Variants in SERPINE3 observed in about 807,000 individuals in gnomAD.
SERPINE3 encodes serpin family E member 3, also known as serpin E3.
SERPINE3 carries 43 observed loss-of-function variants against 41.7 expected under a neutral mutation model. The ratio of observed to expected loss-of-function variants is 1.03; its 90% confidence interval spans 0.81 to 1.33. The LOEUF (loss-of-function observed/expected upper bound fraction) is 1.33, where lower values mean the gene tolerates loss of function less well. Among genes scored for constraint, SERPINE3 ranks in the 40% most tolerant of loss-of-function variants. The pLI is 0.00. For missense variants in SERPINE3, 440 were observed against 491.7 expected (o/e 0.89, Z 0.99); for synonymous variants, 200 against 192.2 (o/e 1.04, Z -0.34).
chr13:51,345,254 C>G (rs571452304), intron 4 of SERPINE3, among the ~76,000 whole-genome samples: 26 of 152,234 alleles, frequency 1.7e-4, no homozygotes, highest in Admixed American at 1.6e-3. Flanking sequence ...GATTCTAACC[C>G]AGGTGGTCCG....
In SERPINE3 at chr13:51,359,127, T is replaced by C. The variant is rs141198468; in HGVS notation, c.1001-2151T>C. Among the ~76,000 whole-genome samples, 74 of 152,122 alleles carry C rather than the reference T, an allele frequency of 4.9e-4. No individual in the cohort carries two copies. The East Asian group carries it at 0.012, about 24-fold the overall frequency. On this transcript the variant is annotated intron_variant, in intron 7 of 9. Transcript: ENST00000681248. Reference sequence around the variant, plus strand: ...ATCTTGAGAACAACTTTTGGGAAAATAGGGCGTATGTCCCTCAATGGCACT... The same window carrying C: ...ATCTTGAGAACAACTTTTGGGAAAACAGGGCGTATGTCCCTCAATGGCACT...
intron 7 of SERPINE3, among the ~76,000 whole-genome samples, chr13:51,355,485 G>A (rs927000547): frequency 4.6e-5 from 7 of 152,080 alleles, no homozygotes; most frequent in Non-Finnish European, 1.0e-4. Context: ...ATGACCTCCT[G>A]CTGTCCCATC....
At chr13:51,344,198 T>C in intron 3 of SERPINE3, 54 bp from the exon 4 acceptor site, 1 of 1,331,746 alleles carries the variant, frequency 7.5e-7, no homozygotes, top group Admixed American at 1.8e-5. Flanking sequence ...GAGGTTGTGC[T>C]AACTCCTTAC....
At chr13:51,345,927 A>G (rs1056697121) in intron 4 of SERPINE3, among the ~76,000 whole-genome samples, 1 of 152,192 alleles carries the variant, frequency 6.6e-6, no homozygotes, top group Non-Finnish European at 1.5e-5. Flanking sequence ...TTCAAATCCA[A>G]GCTTTCCATG....
At chr13:51,358,742 A>G (rs549274317) in intron 7 of SERPINE3, among the ~76,000 whole-genome samples, 1 of 152,126 alleles carries the variant, frequency 6.6e-6, no homozygotes, top group East Asian at 1.9e-4. Flanking sequence ...GTAAAAACCC[A>G]TAGAAGATGT....
chr13:51,341,437 ACTCT>A, intron 3 of SERPINE3, 90 bp downstream of exon 3: 1 of 1,235,882 alleles, frequency 8.1e-7, no homozygotes, highest in Non-Finnish European at 1.1e-6. Context: ...ACTCACACTC[ACTCT>A]CTCCAGCTTA....
At chr13:51,358,391 G>A (rs578108003) in intron 7 of SERPINE3, among the ~76,000 whole-genome samples, 83 of 152,260 alleles carry the variant, frequency 5.5e-4, no homozygotes, top group African/African-American at 1.9e-3. Context: ...ATGTTTTGAA[G>A]ACTTTTAACC....
At chr13:51,347,697 T>G (rs963310528) in intron 5 of SERPINE3, among the ~76,000 whole-genome samples, 1 of 152,224 alleles carries the variant, frequency 6.6e-6, no homozygotes, top group African/African-American at 2.4e-5. Flanking sequence ...CTGCACGCCC[T>G]TCTGAATAGT....
chr13:51,347,105 A>C lies in SERPINE3; in HGVS notation c.571A>C (p.Thr191Pro). 1.2e-6 allele frequency: 2 copies of C among 1,611,520 alleles called. No individual in the cohort carries two copies. Among genetic ancestry groups the C allele is most frequent in the Non-Finnish European group, 1.7e-6 (2 of 1,178,920 alleles). The change falls in exon 5 of 10, where the codon ACC becomes CCC. Residue 191 changes from threonine to proline, a missense_variant. Physicochemically the swap from Thr to Pro is conservative, Grantham distance 38. Transcript: ENST00000681248. ...ATTTGCTCAGCTTGTGCTTGTGAGC[A>C]CCATGTCCTTCCAAGGCACTTGGCG... is the stretch of plus-strand genomic sequence containing the variant. ...AAFAQLVLVS[T>P]MSFQGTWRKR...
rs1955649397 is a variant in SERPINE3, at chr13:51,364,562, A to G, written c.*280A>G. ...TGAATGGTGAGTGAGTCAGGCCATA[A>G]GATTGCTTCCTCAGTACGGATACTC... On this transcript the variant is annotated 3_prime_UTR_variant, in exon 10 of 10. Transcript: ENST00000681248. 2 of 307,714 alleles carry G rather than the reference A, an allele frequency of 6.5e-6. No individual in the cohort carries two copies. The highest frequency in any genetic ancestry group is 5.8e-5 in the East Asian group (1 of 17,320). The allele number at this position is 307,714 out of a possible 1,614,324, so 19.1% of individuals were successfully genotyped here.
chr13:51,354,535 C>T (rs2137803179), intron 6 of SERPINE3, among the ~76,000 whole-genome samples: 1 of 150,888 alleles, frequency 6.6e-6, no homozygotes, highest in South Asian at 2.1e-4. Flanking sequence ...GCAGGTGGAT[C>T]ACTTGAGGCC....
At chr13:51,358,504 G>A (rs1225571355) in intron 7 of SERPINE3, among the ~76,000 whole-genome samples, 3 of 152,066 alleles carry the variant, frequency 2.0e-5, no homozygotes, top group East Asian at 1.9e-4. Context: ...TCTATGCCAC[G>A]CCTTTATGGT....
chr13:51,360,467 T>A (rs891023444), intron 7 of SERPINE3, among the ~76,000 whole-genome samples: 1 of 152,070 alleles, frequency 6.6e-6, no homozygotes, highest in African/African-American at 2.4e-5. Context: ...TGGTTCTAAA[T>A]CTTTCATTTT....
chr13:51,357,156 T>A (rs992693763), intron 7 of SERPINE3, among the ~76,000 whole-genome samples: 1 of 152,222 alleles, frequency 6.6e-6, no homozygotes, highest in South Asian at 2.1e-4. Context: ...TCCGGCCCTT[T>A]ATAGAAAAAG....
At chr13:51,341,711 G>T (rs1337523563) in intron 3 of SERPINE3, among the ~76,000 whole-genome samples, 1 of 152,220 alleles carries the variant, frequency 6.6e-6, no homozygotes, top group Non-Finnish European at 1.5e-5. Flanking sequence ...GTGCCAGGCA[G>T]TGCTGGAGGC....
chr13:51,346,976 A>G, intron 4 of SERPINE3, 49 bp from the exon 5 acceptor site: 1 of 1,388,790 alleles, frequency 7.2e-7, no homozygotes, highest in Non-Finnish European at 1.0e-6. Flanking sequence ...GGTTCGGTTC[A>G]GTTTCAATGC....
At chr13:51,355,002 G>A in intron 6 of SERPINE3, 41 bp from the exon 7 acceptor site, 2 of 1,007,468 alleles carry the variant, frequency 2.0e-6, no homozygotes, top group Non-Finnish European at 3.1e-6. Flanking sequence ...AGTATATTGA[G>A]TGAGAATTTT....
intron 4 of SERPINE3, among the ~76,000 whole-genome samples, chr13:51,345,327 T>A (rs1412273544): frequency 1.3e-5 from 2 of 152,022 alleles, no homozygotes; most frequent in African/African-American, 4.8e-5. Flanking sequence ...CAAGACCCAG[T>A]GTTGGTTAAA....
At chr13:51,347,554 A>G (rs1457119345) in intron 5 of SERPINE3, among the ~76,000 whole-genome samples, 3 of 152,196 alleles carry the variant, frequency 2.0e-5, no homozygotes, top group Non-Finnish European at 2.9e-5. Flanking sequence ...CCGGGATTGA[A>G]TGGCTGCTCC....
Sources: gnomAD v4.1 joint callset for allele counts (sites outside exome capture counted in the v4.1 genomes callset) on GRCh38, gnomAD v4.1.1 for gene constraint, MANE v1.5 for transcripts, NCBI Gene and HGNC (gene_info 2026-07-23, HGNC 2026-07-21) for gene names.